NRXN3: variants seen among roughly 807,000 people sequenced by gnomAD.
NRXN3 encodes the protein neurexin 3.
In NRXN3, 32 loss-of-function variants were observed where a neutral mutation model predicts 137.6. That is an observed-to-expected ratio of 0.23 (90% confidence interval 0.18 to 0.31). The LOEUF is 0.31. Among genes scored for constraint, NRXN3 ranks in the 10% least tolerant of loss-of-function variants. The pLI is 1.00. For synonymous variants in NRXN3, 798 were observed against 784.5 expected, an observed-to-expected ratio of 1.02 and a Z score of -0.29; for missense variants, 1,574 against 2,062.5, an observed-to-expected ratio of 0.76 and a Z score of 4.59.
chr14:79,342,784 A>G (rs747716294), intron 15 of NRXN3, among the ~76,000 whole-genome samples: 3 of 152,148 alleles, frequency 2.0e-5, no homozygotes, highest in African/African-American at 4.8e-5. Context: ...TAACCGCCCA[A>G]TGGGTTCACC....
intron 4 of NRXN3, among the ~76,000 whole-genome samples, chr14:78,531,504 A>C (rs146834912): frequency 1.3e-5 from 2 of 152,220 alleles, no homozygotes; most frequent in Non-Finnish European, 2.9e-5. Flanking sequence ...AGAGAATTCA[A>C]GTTTTACCCA....
chr14:78,350,039 A>G (rs968634766), intron 4 of NRXN3, among the ~76,000 whole-genome samples: 4 of 152,132 alleles, frequency 2.6e-5, no homozygotes, highest in East Asian at 3.9e-4. Context: ...TGTAATCCCA[A>G]TACTTTGGGA....
chr14:78,948,628 C>CTTTTTTTTTT (rs201010514), intron 10 of NRXN3, among the ~76,000 whole-genome samples: 17 of 108,602 alleles, frequency 1.6e-4, no homozygotes, highest in Non-Finnish European at 1.9e-4. Context: ...ACACATTTAA[C>CTTTTTTTTTT]TTTTTTTTTT....
At chr14:79,096,173 T>C (rs977656845) in intron 15 of NRXN3, among the ~76,000 whole-genome samples, 9 of 151,786 alleles carry the variant, frequency 5.9e-5, no homozygotes, top group Non-Finnish European at 1.2e-4. Flanking sequence ...AGTGGCACCA[T>C]CTCGGCTCAC....
chr14:79,157,027 A>G (rs951116529), intron 15 of NRXN3, among the ~76,000 whole-genome samples: 1 of 151,702 alleles, frequency 6.6e-6, no homozygotes, highest in South Asian at 2.1e-4. Flanking sequence ...CCACAGCTAG[A>G]GATTACCTCA....
At chr14:79,409,220 A>C (rs898837774) in intron 15 of NRXN3, among the ~76,000 whole-genome samples, 3 of 151,932 alleles carry the variant, frequency 2.0e-5, no homozygotes, top group Non-Finnish European at 2.9e-5. Context: ...TCAGGGTAGC[A>C]TGTGATATAT....
At chr14:78,290,441 G>A (rs1482442854) in intron 3 of NRXN3, among the ~76,000 whole-genome samples, 1 of 152,130 alleles carries the variant, frequency 6.6e-6, no homozygotes, top group Non-Finnish European at 1.5e-5. Flanking sequence ...GTAGATTCAG[G>A]TTCACAGTGA....
chr14:79,002,525 A>G (rs2099543672), intron 15 of NRXN3, among the ~76,000 whole-genome samples: 1 of 152,086 alleles, frequency 6.6e-6, no homozygotes, highest in South Asian at 2.1e-4. Flanking sequence ...AGCTTCATCT[A>G]CGTCCCTGCA....
chr14:78,334,706 C>G (rs944341266), intron 4 of NRXN3, among the ~76,000 whole-genome samples: 2 of 152,078 alleles, frequency 1.3e-5, no homozygotes, highest in African/African-American at 2.4e-5. Flanking sequence ...GTACCACAGT[C>G]TGAATGAAGA....
intron 4 of NRXN3, among the ~76,000 whole-genome samples, chr14:78,564,444 T>C (rs1003822815): frequency 1.3e-5 from 2 of 152,190 alleles, no homozygotes; most frequent in African/African-American, 4.8e-5. Flanking sequence ...TACCTGTTTC[T>C]TCCTTTGTCC....
At position 79,867,764 on chromosome 14, in the gene NRXN3, A is replaced by C. The variant is rs2099418612; in HGVS notation, c.*5800A>C. The C allele has an allele frequency of 6.6e-6, 1 of 152,200 alleles. No individual in the cohort carries two copies. The highest frequency in any genetic ancestry group is 1.5e-5 in the Non-Finnish European group (1 of 68,080). The allele number at this position is 152,200 out of a possible 1,614,324, so 9.4% of individuals were successfully genotyped here. On this transcript the variant is annotated 3_prime_UTR_variant, in exon 21 of 21. Coordinates refer to ENST00000335750, the MANE Select transcript of NRXN3 (RefSeq NM_001330195.2). ...CCTTTTTGAAGTGGTTACATGGCCCAAGTAGAAGAGCAAATAATTCCAAGA... is the reference window on the plus strand; with the variant it reads ...CCTTTTTGAAGTGGTTACATGGCCCCAGTAGAAGAGCAAATAATTCCAAGA...
intron 3 of NRXN3, among the ~76,000 whole-genome samples, chr14:78,280,328 A>G (rs1456188482): frequency 6.6e-6 from 1 of 152,356 alleles, no homozygotes; most frequent in East Asian, 1.9e-4. Flanking sequence ...CATGTTATGT[A>G]TATATTACAT....
At chr14:78,335,164 C>T (rs555323591) in intron 4 of NRXN3, among the ~76,000 whole-genome samples, 1 of 152,322 alleles carries the variant, frequency 6.6e-6, no homozygotes, top group South Asian at 2.1e-4. Context: ...TTTCAGAAAA[C>T]ATTCTCCTGA....
chr14:78,486,274 G>C (rs866825777), intron 4 of NRXN3, among the ~76,000 whole-genome samples: 1 of 152,160 alleles, frequency 6.6e-6, no homozygotes, highest in Admixed American at 6.5e-5. Context: ...AGTCCAAGTT[G>C]GGAGGTAGAT....
At chr14:79,164,241 A>G (rs1462553807) in intron 15 of NRXN3, among the ~76,000 whole-genome samples, 1 of 152,050 alleles carries the variant, frequency 6.6e-6, no homozygotes, top group Non-Finnish European at 1.5e-5. Flanking sequence ...GCATACATAA[A>G]CATATCTGAT....
At chr14:79,651,787 T>A (rs2098477314) in intron 16 of NRXN3, among the ~76,000 whole-genome samples, 1 of 152,138 alleles carries the variant, frequency 6.6e-6, no homozygotes, top group Admixed American at 6.6e-5. Flanking sequence ...TCATTGAGCT[T>A]TGGGCTAGGC....
intron 8 of NRXN3, among the ~76,000 whole-genome samples, chr14:78,747,228 T>G (rs1170188161): frequency 6.6e-6 from 1 of 152,232 alleles, no homozygotes. Context: ...TCAAATCCTA[T>G]GCGGATGTAG....
intron 15 of NRXN3, among the ~76,000 whole-genome samples, chr14:79,117,601 T>G (rs1034645881): frequency 1.3e-5 from 2 of 152,166 alleles, no homozygotes; most frequent in Non-Finnish European, 2.9e-5. Context: ...AGAACATTTT[T>G]AAGGCAGCAC....
At chr14:79,801,348 A>T (rs770372901) in intron 19 of NRXN3, among the ~76,000 whole-genome samples, 9 of 152,216 alleles carry the variant, frequency 5.9e-5, no homozygotes, top group Admixed American at 2.0e-4. Context: ...AAATGGAAGT[A>T]ATGAATTGTC....
Sources: gnomAD v4.1 joint callset for allele counts (sites outside exome capture counted in the v4.1 genomes callset) on GRCh38, gnomAD v4.1.1 for gene constraint, MANE v1.5 for transcripts, NCBI Gene and HGNC (gene_info 2026-07-23, HGNC 2026-07-21) for gene names.